Variants in NLGN1 observed in about 807,000 individuals in gnomAD.
The protein encoded by NLGN1 is neuroligin 1, also known as neuroligin-1.
A neutral mutation model predicts 65.5 loss-of-function variants in NLGN1; 12 were observed. The ratio of observed to expected loss-of-function variants is 0.18; its 90% CI spans 0.12 to 0.30. The LOEUF (loss-of-function observed/expected upper bound fraction) is 0.30, where lower values mean the gene tolerates loss of function less well. NLGN1 is among the 10% of genes least tolerant of loss of function. NLGN1 has a pLI of 1.00. For missense variants in NLGN1, 750 were observed against 1,007.1 expected, an observed-to-expected ratio of 0.74 and a Z score of 3.46; for synonymous variants, 350 against 359.5, an observed-to-expected ratio of 0.97 and a Z score of 0.30.
intron 4 of NLGN1, among the ~76,000 whole-genome samples, chr3:174,252,236 A>T (rs1228487430): frequency 6.6e-6 from 1 of 152,180 alleles, no homozygotes; most frequent in Non-Finnish European, 1.5e-5. Flanking sequence ...TGTCTAAAAT[A>T]GTTAAGTGTG....
intron 4 of NLGN1, among the ~76,000 whole-genome samples, chr3:174,122,247 T>C (rs922676130): frequency 2.6e-5 from 4 of 152,170 alleles, no homozygotes; most frequent in African/African-American, 9.7e-5. Context: ...CTCATTATTT[T>C]CCCCCGTATA....
At chr3:174,022,356 G>T (rs1175411472) in intron 4 of NLGN1, among the ~76,000 whole-genome samples, 1 of 152,038 alleles carries the variant, frequency 6.6e-6, no homozygotes, top group African/African-American at 2.4e-5. Context: ...AATGCCTCTT[G>T]GTAATGAAGT....
intron 1 of NLGN1, among the ~76,000 whole-genome samples, chr3:173,416,853 CAT>C (rs1327899232): frequency 6.6e-6 from 1 of 151,820 alleles, no homozygotes; most frequent in Non-Finnish European, 1.5e-5. Flanking sequence ...TTTTGAGAGA[CAT>C]ATAAAGAAAC....
At chr3:173,687,632 A>G (rs9845654) in intron 3 of NLGN1, among the ~76,000 whole-genome samples, 1 of 152,200 alleles carries the variant, frequency 6.6e-6, no homozygotes, top group African/African-American at 2.4e-5. Flanking sequence ...GAAAAATAAA[A>G]TGTTTAAATA....
chr3:173,988,722 A>G (rs1720472530), intron 4 of NLGN1, among the ~76,000 whole-genome samples: 1 of 151,946 alleles, frequency 6.6e-6, no homozygotes, highest in Non-Finnish European at 1.5e-5. Flanking sequence ...CCATACACAA[A>G]TAGCTATTTT....
chr3:173,421,766 C>A (rs890631979), intron 1 of NLGN1, among the ~76,000 whole-genome samples: 1 of 152,038 alleles, frequency 6.6e-6, no homozygotes, highest in African/African-American at 2.4e-5. Context: ...AGTGATCCTC[C>A]CGCCTCAGCC....
chr3:173,905,330 A>G (rs1366985864), intron 4 of NLGN1, among the ~76,000 whole-genome samples: 1 of 152,236 alleles, frequency 6.6e-6, no homozygotes, highest in African/African-American at 2.4e-5. Flanking sequence ...CTCTAGAGTG[A>G]GGAGAGCCAA....
At chr3:173,666,217 C>T (rs1761670392) in intron 3 of NLGN1, among the ~76,000 whole-genome samples, 1 of 151,892 alleles carries the variant, frequency 6.6e-6, no homozygotes. Context: ...ATTTTGAGTT[C>T]CTGATAAAAT....
intron 4 of NLGN1, among the ~76,000 whole-genome samples, chr3:174,272,534 T>C (rs1749595173): frequency 6.6e-6 from 1 of 151,732 alleles, no homozygotes; most frequent in African/African-American, 2.4e-5. Flanking sequence ...AGACATGTTA[T>C]TTGCTTGGTC....
At chr3:174,118,209 C>T (rs1716959208) in intron 4 of NLGN1, among the ~76,000 whole-genome samples, 1 of 152,160 alleles carries the variant, frequency 6.6e-6, no homozygotes, top group African/African-American at 2.4e-5. Context: ...AAATTCTTCT[C>T]ATGACCCTAA....
intron 3 of NLGN1, among the ~76,000 whole-genome samples, chr3:173,609,846 T>A (rs1200398786): frequency 4.0e-5 from 6 of 151,850 alleles, no homozygotes; most frequent in African/African-American, 1.5e-4. Context: ...AGAGTGCTGG[T>A]ATGGAGAGTG....
At position 174,237,034 on chromosome 3, in the gene NLGN1, A is replaced by T. The variant is rs577347645; in HGVS notation, c.647-38281A>T. 4.1e-4 allele frequency among the ~76,000 whole-genome samples: 63 copies of T among 152,264 alleles called. No homozygotes were observed. The South Asian group carries it at 0.013, about 31-fold the overall frequency. On this transcript the variant is annotated intron_variant, in intron 4 of 6. Transcript: ENST00000457714. ...CTAGGCAGTTGAGATACATCAACAA[A>T]ATACACAACACATGGAACTTTGTTC...
intron 4 of NLGN1, among the ~76,000 whole-genome samples, chr3:173,871,809 G>A (rs1731216247): frequency 6.6e-6 from 1 of 152,204 alleles, no homozygotes; most frequent in Admixed American, 6.5e-5. Flanking sequence ...GGATACCGGA[G>A]TTAAGGTGTG....
intron 2 of NLGN1, among the ~76,000 whole-genome samples, chr3:173,548,168 A>G (rs987697979): frequency 2.0e-5 from 3 of 152,046 alleles, no homozygotes; most frequent in African/African-American, 7.2e-5. Flanking sequence ...CACTTACCAT[A>G]TGCAGCCACC....
chr3:174,091,005 T>G (rs1181104323), intron 4 of NLGN1, among the ~76,000 whole-genome samples: 2 of 152,206 alleles, frequency 1.3e-5, no homozygotes, highest in African/African-American at 4.8e-5. Context: ...GATGCATTGC[T>G]AGACCATCAG....
chr3:173,524,324 C>T (rs1398823395), intron 2 of NLGN1, among the ~76,000 whole-genome samples: 1 of 151,960 alleles, frequency 6.6e-6, no homozygotes, highest in African/African-American at 2.4e-5. Flanking sequence ...TTCTTTGTGC[C>T]TGTTGTAAAT....
At chr3:173,923,599 G>A (rs1742468041) in intron 4 of NLGN1, among the ~76,000 whole-genome samples, 1 of 152,046 alleles carries the variant, frequency 6.6e-6, no homozygotes, top group Non-Finnish European at 1.5e-5. Flanking sequence ...TATTCTTAGA[G>A]TTACCTGAAT....
intron 4 of NLGN1, among the ~76,000 whole-genome samples, chr3:174,098,747 G>T (rs181042365): frequency 6.6e-6 from 1 of 152,040 alleles, no homozygotes. Flanking sequence ...TCCACAAATC[G>T]ATCACACCTT....
At chr3:174,140,862 A>G (rs1722152126) in intron 4 of NLGN1, among the ~76,000 whole-genome samples, 1 of 152,166 alleles carries the variant, frequency 6.6e-6, no homozygotes, top group Non-Finnish European at 1.5e-5. Flanking sequence ...CAAAAGTTGA[A>G]TAATTTTGTA....
Sources: allele counts gnomAD v4.1 joint callset (sites outside exome capture counted in the v4.1 genomes callset), GRCh38; gene constraint gnomAD v4.1.1; transcripts MANE v1.5; gene names NCBI Gene and HGNC (gene_info 2026-07-23, HGNC 2026-07-21).